Variants in ADAM7 observed in about 807,000 individuals in gnomAD.
The protein encoded by ADAM7 is ADAM metallopeptidase domain 7, also known as disintegrin and metalloproteinase domain-containing protein 7.
Under a neutral mutation model 102.9 loss-of-function variants are expected in ADAM7, and 97 were observed. The ratio of observed to expected loss-of-function variants is 0.94; its 90% CI spans 0.80 to 1.12. The LOEUF (loss-of-function observed/expected upper bound fraction) is 1.12. ADAM7 is among the 50% of genes most tolerant of loss of function. ADAM7 has a pLI of 0.00. For missense variants in ADAM7, 991 were observed against 908.7 expected, an observed-to-expected ratio of 1.09 and a Z score of -1.16; for synonymous variants, 334 against 304.4, an observed-to-expected ratio of 1.10 and a Z score of -1.01.
At chr8:24,448,876 C>T (rs1032648998) in intron 3 of ADAM7, among the ~76,000 whole-genome samples, 1 of 152,024 alleles carries the variant, frequency 6.6e-6, no homozygotes, top group African/African-American at 2.4e-5. Flanking sequence ...TTGTTCAATT[C>T]CCACCTGTGA....
chr8:24,446,826 C>G (rs935182667), intron 2 of ADAM7, among the ~76,000 whole-genome samples: 3 of 149,534 alleles, frequency 2.0e-5, no homozygotes, highest in Non-Finnish European at 4.4e-5. Context: ...TAACTAGAAA[C>G]TATATATAAT....
In ADAM7 at chr8:24,441,096, A is replaced by G. The variant is rs549739172; in HGVS notation, c.-13A>G. 5 of 1,612,728 alleles carry G rather than the reference A, an allele frequency of 3.1e-6. No homozygotes were observed. Among genetic ancestry groups the G allele is most frequent in the East Asian group, 2.2e-5 (1 of 44,874 alleles). ...TCAAGCACTTCTGCTCTCCTCTACC[A>G]GAATCACTCAGAATGCTTCCCGGGT... On this transcript the variant is annotated 5_prime_UTR_variant, in exon 1 of 22. Coordinates refer to ENST00000175238, the MANE Select transcript of ADAM7 (RefSeq NM_003817.4).
chr8:24,471,054 G>A (rs1585884206), intron 7 of ADAM7, among the ~76,000 whole-genome samples: 1 of 151,972 alleles, frequency 6.6e-6, no homozygotes, highest in African/African-American at 2.4e-5. Flanking sequence ...TTAGGCTAAT[G>A]TGTGTGGTTT....
At chr8:24,499,389 CATGTATATGT>C in intron 17 of ADAM7, 73 bp downstream of exon 17, 1 of 1,138,364 alleles carries the variant, frequency 8.8e-7, no homozygotes, top group South Asian at 1.6e-5. Flanking sequence ...CCTATATGTG[CATGTATATGT>C]ATGTATATAT....
chr8:24,453,146 G>A (rs1390474544), intron 3 of ADAM7, among the ~76,000 whole-genome samples: 2 of 149,120 alleles, frequency 1.3e-5, no homozygotes, highest in South Asian at 2.1e-4. Flanking sequence ...TGCTCTTCTC[G>A]AGGAGTATCT....
chr8:24,491,946 G>A lies in ADAM7; in HGVS notation c.1400G>A (p.Cys467Tyr). ...GSICRPAKDE[C>Y]DFPEMCTGHS... ...ATATGCAGACCGGCGAAAGATGAAT[G>A]TGATTTTCCTGAGATGTGCACTGGC... Residue 467 changes from cysteine to tyrosine, a missense_variant, in exon 14 of 22, where the codon TGT (cysteine) becomes TAT (tyrosine). By Grantham distance (194) the Cys-to-Tyr change is radical. Coordinates refer to ENST00000175238, the MANE Select transcript of ADAM7 (RefSeq NM_003817.4). The A allele has an allele frequency of 2.5e-6, 4 of 1,613,412 alleles. No individual in the cohort carries two copies. Among genetic ancestry groups the A allele is most frequent in the Non-Finnish European group, 2.5e-6 (3 of 1,179,698 alleles).
intron 17 of ADAM7, 93 bp downstream of exon 17, chr8:24,499,409 T>C (rs1237768755): frequency 1.1e-6 from 1 of 916,272 alleles, no homozygotes; most frequent in African/African-American, 1.7e-5. Context: ...TATGTATATA[T>C]GTATTTTTGC....
chr8:24,508,252 A>G (rs1303715558), intron 21 of ADAM7, among the ~76,000 whole-genome samples: 1 of 152,188 alleles, frequency 6.6e-6, no homozygotes, highest in African/African-American at 2.4e-5. Context: ...CCACTCCACA[A>G]TGACAAACCT....
At chr8:24,482,104 A>C in intron 8 of ADAM7, 38 bp from the exon 9 acceptor site, 2 of 1,471,188 alleles carry the variant, frequency 1.4e-6, no homozygotes, top group South Asian at 1.3e-5. Flanking sequence ...TGTTTCCAGC[A>C]ACTTGACTTT....
Position 24,489,242 on chromosome 8 carries a change from A to G in ADAM7, c.1175A>G (p.Asn392Ser), listed in dbSNP as rs772072441. 1 of 1,613,646 alleles carries G rather than the reference A, an allele frequency of 6.2e-7. No homozygotes were observed. The highest frequency in any genetic ancestry group is 8.5e-7 in the Non-Finnish European group (1 of 1,179,772). Reference protein sequence around the residue: ...LKDYKPTCMLNIPFPYNFHDF... With the variant: ...LKDYKPTCMLSIPFPYNFHDF... Reference sequence around the variant, plus strand: ...GATTATAAGCCAACATGCATGCTCAACATTCCATTTCCTTACAATTTTCAT... The same window carrying G: ...GATTATAAGCCAACATGCATGCTCAGCATTCCATTTCCTTACAATTTTCAT... The change falls in exon 12 of 22, where the codon AAC (asparagine) becomes AGC (serine). Residue 392 changes from asparagine (N) to serine (S), a missense_variant. By Grantham distance (46) the Asn-to-Ser change is conservative (BLOSUM62 1). Coordinates refer to ENST00000175238, the MANE Select transcript of ADAM7 (RefSeq NM_003817.4).
At position 24,457,442 on chromosome 8, in the gene ADAM7, A is replaced by AT. The variant is rs1322375581; in HGVS notation, c.234-6434dup. On this transcript the variant is annotated intron_variant, in intron 3 of 21. Transcript: ENST00000175238. ...AGGCATCCACCACCATGACTGGCAA[A>AT]TTTTTTGTATTTTAGTAGAGATGGG... is the stretch of plus-strand genomic sequence containing the variant. 2.6e-5 allele frequency among the ~76,000 whole-genome samples: 4 copies of AT among 151,892 alleles called. No homozygotes were observed. In the East Asian group the frequency reaches 7.7e-4, roughly 29 times the overall value.
chr8:24,490,063 C>T (rs572810982), intron 12 of ADAM7, among the ~76,000 whole-genome samples: 5 of 152,172 alleles, frequency 3.3e-5, no homozygotes, highest in East Asian at 3.9e-4. Flanking sequence ...GTTGCTGGCC[C>T]GAGGACCACA....
rs201767260 is a variant in ADAM7, at chr8:24,487,226, G to T, written c.1000G>T (p.Ala334Ser). ...CACAAACATAATTGCAAACAGAATGGCACATCAACTGGGGCATAACCTTGG... is the reference window on the plus strand; with the variant it reads ...CACAAACATAATTGCAAACAGAATGTCACATCAACTGGGGCATAACCTTGG... ...PDTNIIANRMAHQLGHNLGMQ... is the reference protein window; with the variant it reads ...PDTNIIANRMSHQLGHNLGMQ... Residue 334 changes from alanine to serine, a missense_variant, in exon 11 of 22, where the codon GCA becomes TCA. Transcript: ENST00000175238. 85 of 1,613,678 alleles carry T rather than the reference G, an allele frequency of 5.3e-5. No individual in the cohort carries two copies. The highest frequency in any genetic ancestry group is 6.7e-5 in the Non-Finnish European group (79 of 1,179,796).
At chr8:24,486,503 CTTA>C (rs1820149595) in intron 10 of ADAM7, among the ~76,000 whole-genome samples, 1 of 152,066 alleles carries the variant, frequency 6.6e-6, no homozygotes, top group African/African-American at 2.4e-5. Context: ...ATCAATATTA[CTTA>C]TTATATTGTG....
Position 24,442,558 on chromosome 8 carries a change from C to CT in ADAM7, c.138_139insT (p.His47SerfsTer2), listed in dbSNP as rs751015105. 1 of 1,613,554 alleles carries CT rather than the reference C, an allele frequency of 6.2e-7. No homozygotes were observed. The highest frequency in any genetic ancestry group is 1.3e-5 in the African/African-American group (1 of 74,880). On this transcript the variant is annotated frameshift_variant, in exon 2 of 22. Coordinates refer to ENST00000175238, the MANE Select transcript of ADAM7 (RefSeq NM_003817.4). LOFTEE classifies it high-confidence loss of function. ...TACAGAAGCGAGATACTGGACACAC[C>CT]CATGATGATGACATACTGGTACAAG...
chr8:24,442,691 C>T (rs1818416365), intron 2 of ADAM7, 115 bp downstream of exon 2: 12 of 811,044 alleles, frequency 1.5e-5, no homozygotes, highest in Non-Finnish European at 2.3e-5. Context: ...TTTCTAAGGA[C>T]TCCCATTCGG....
chr8:24,445,428 G>A (rs963539226), intron 2 of ADAM7, among the ~76,000 whole-genome samples: 2 of 152,086 alleles, frequency 1.3e-5, no homozygotes, highest in Admixed American at 6.6e-5. Context: ...GATCCTCCTT[G>A]CTATAGTAGC....
chr8:24,444,686 A>T (rs1177194041), intron 2 of ADAM7, among the ~76,000 whole-genome samples: 1 of 152,044 alleles, frequency 6.6e-6, no homozygotes, highest in African/African-American at 2.4e-5. Context: ...GATCGTAAAA[A>T]AAAAAACACA....
intron 3 of ADAM7, among the ~76,000 whole-genome samples, chr8:24,455,025 A>G (rs775800067): frequency 1.3e-5 from 2 of 152,096 alleles, no homozygotes; most frequent in African/African-American, 2.4e-5. Flanking sequence ...TTAATTTAGA[A>G]TCTACTATAC....
Sources: gnomAD v4.1 joint callset for allele counts (sites outside exome capture counted in the v4.1 genomes callset) on GRCh38, gnomAD v4.1.1 for gene constraint, MANE v1.5 for transcripts, NCBI Gene and HGNC (gene_info 2026-07-23, HGNC 2026-07-21) for gene names.